Variants in NSRP1 observed in about 807,000 individuals in gnomAD.
NSRP1 encodes coiled-coil domain containing 55.
In NSRP1, 24 loss-of-function variants were observed where a neutral mutation model predicts 54.7. That is an observed-to-expected ratio of 0.44 (90% CI 0.32 to 0.62). The LOEUF is 0.62. Among genes scored for constraint, NSRP1 ranks in the 20% least tolerant of loss-of-function variants. The pLI is 0.06. For synonymous variants in NSRP1, 210 were observed against 213.8 expected (o/e 0.98, Z 0.15); for missense variants, 596 against 651.2 (o/e 0.92, Z 0.92).
At chr17:30,178,220 A>G (rs1455704519) in intron 4 of NSRP1, 21 bp downstream of exon 4, 1 of 1,586,684 alleles carries the variant, frequency 6.3e-7, no homozygotes. Flanking sequence ...TGAAATAACA[A>G]ACTTTCTTTG....
chr17:30,122,834 TAGA>T (rs1347633180), intron 2 of NSRP1, among the ~76,000 whole-genome samples: 4 of 152,184 alleles, frequency 2.6e-5, no homozygotes, highest in African/African-American at 9.6e-5. Flanking sequence ...TGTAGCCATA[TAGA>T]AGGTGTACAG....
intron 2 of NSRP1, among the ~76,000 whole-genome samples, chr17:30,171,978 T>A (rs1280234992): frequency 7.2e-3 from 472 of 65,232 alleles, no homozygotes; most frequent in African/African-American, 0.023. Context: ...ACACACTCCC[T>A]CTCTCTCTCT....
chr17:30,160,070 G>T (rs187725730), intron 2 of NSRP1, among the ~76,000 whole-genome samples: 2 of 152,204 alleles, frequency 1.3e-5, no homozygotes, highest in East Asian at 3.9e-4. Context: ...TATGGTTTTT[G>T]TCTTTTATTA....
intron 2 of NSRP1, among the ~76,000 whole-genome samples, chr17:30,171,075 C>T (rs1023767291): frequency 7.3e-5 from 11 of 151,144 alleles, no homozygotes; most frequent in Non-Finnish European, 1.5e-4. Flanking sequence ...ATTTTTTTTT[C>T]TTAGCTGTAT....
Position 30,185,194 on chromosome 17 carries a change from T to A in NSRP1, c.1197T>A (p.Asn399Lys). 2 of 1,569,870 alleles carry A rather than the reference T, an allele frequency of 1.3e-6. No homozygotes were observed. The highest frequency in any genetic ancestry group is 8.6e-7 in the Non-Finnish European group (1 of 1,157,938). ...QREQERDRQQNDQNRPSEKGE... is the reference protein window; with the variant it reads ...QREQERDRQQKDQNRPSEKGE... ...AACAAGAAAGAGATAGACAACAAAA[T>A]GATCAGAACCGACCCAGTGAGAAAG... The change falls in exon 7 of 7, where the codon AAT (asparagine) becomes AAA (lysine). Residue 399 changes from asparagine (N) to lysine (K), a missense_variant. Transcript: ENST00000247026.
intron 2 of NSRP1, among the ~76,000 whole-genome samples, chr17:30,131,002 G>C (rs999991055): frequency 6.6e-6 from 1 of 152,126 alleles, no homozygotes; most frequent in Non-Finnish European, 1.5e-5. Context: ...TGGTGGTGGT[G>C]GGGGGTGATA....
chr17:30,143,031 T>G (rs1406959374), intron 2 of NSRP1, among the ~76,000 whole-genome samples: 1 of 152,226 alleles, frequency 6.6e-6, no homozygotes, highest in African/African-American at 2.4e-5. Flanking sequence ...CTTCCAAATT[T>G]ATGAAGTTAA....
At chr17:30,152,268 A>C (rs1274703859) in intron 2 of NSRP1, among the ~76,000 whole-genome samples, 1 of 151,836 alleles carries the variant, frequency 6.6e-6, no homozygotes, top group Non-Finnish European at 1.5e-5. Flanking sequence ...GACTACAGGC[A>C]TGCACCACTG....
At chr17:30,166,178 G>C (rs1282969191) in intron 2 of NSRP1, among the ~76,000 whole-genome samples, 1 of 152,110 alleles carries the variant, frequency 6.6e-6, no homozygotes, top group Non-Finnish European at 1.5e-5. Flanking sequence ...AACATACCTA[G>C]AATAACAAGC....
intron 2 of NSRP1, among the ~76,000 whole-genome samples, chr17:30,172,167 A>G (rs1379580455): frequency 1.3e-5 from 2 of 152,170 alleles, no homozygotes; most frequent in Non-Finnish European, 2.9e-5. Context: ...ATGCAAATTC[A>G]TTTATTTCCT....
intron 2 of NSRP1, among the ~76,000 whole-genome samples, chr17:30,145,397 A>G (rs2071844976): frequency 6.6e-6 from 1 of 152,216 alleles, no homozygotes; most frequent in African/African-American, 2.4e-5. Context: ...ATTCTGGCCA[A>G]CATGGTGAAA....
At chr17:30,162,724 A>T (rs1419195550) in intron 2 of NSRP1, among the ~76,000 whole-genome samples, 1 of 152,158 alleles carries the variant, frequency 6.6e-6, no homozygotes, top group African/African-American at 2.4e-5. Context: ...AAAAAGAAAA[A>T]ATTCAGAACC....
chr17:30,178,571 A>C (rs1905201947), intron 4 of NSRP1, among the ~76,000 whole-genome samples: 1 of 152,062 alleles, frequency 6.6e-6, no homozygotes, highest in African/African-American at 2.4e-5. Flanking sequence ...ATCTGCCTGC[A>C]CCTATCATGA....
At position 30,159,416 on chromosome 17, in the gene NSRP1, A is replaced by G. The variant is rs978719084; in HGVS notation, c.115-13126A>G. Among the ~76,000 whole-genome samples, 5 of 152,010 alleles carry G rather than the reference A, an allele frequency of 3.3e-5. 1 individual carries two copies. The highest frequency in any genetic ancestry group is 3.3e-4 in the Admixed American group (5 of 15,238). On this transcript the variant is annotated intron_variant, in intron 2 of 6. Coordinates refer to ENST00000247026, the MANE Select transcript of NSRP1 (RefSeq NM_032141.4). ...ATATAAGATCATGTCATCTGCAGAG[A>G]GGGACAGTTTGACTTCCTCTTTTCC...
chr17:30,180,978 T>G lies in NSRP1; in HGVS notation c.579T>G (p.Gly193=), dbSNP rs768231816. 6.2e-7 allele frequency: 1 copy of G among 1,613,492 alleles called. No homozygotes were observed. The highest frequency in any genetic ancestry group is 2.2e-5 in the East Asian group (1 of 44,864). Residue 193 remains glycine (G), a synonymous_variant, in exon 6 of 7, where the codon GGT becomes GGG. Coordinates refer to ENST00000247026, the MANE Select transcript of NSRP1 (RefSeq NM_032141.4). ...FYRHLLNQAV[G]EEEVPKCSFR... is the part of the protein sequence containing the mutation. Reference sequence around the variant, plus strand: ...GGCACCTATTAAATCAAGCAGTTGGTGAAGAGGAAGTACCTAAATGCAGCT... The same window carrying G: ...GGCACCTATTAAATCAAGCAGTTGGGGAAGAGGAAGTACCTAAATGCAGCT...
intron 5 of NSRP1, 30 bp downstream of exon 5, chr17:30,179,327 G>C: frequency 6.5e-7 from 1 of 1,541,114 alleles, no homozygotes; most frequent in Non-Finnish European, 8.7e-7. Context: ...AAGGCACAAG[G>C]AAACAGTAGC....
chr17:30,166,302 T>A (rs1904729744), intron 2 of NSRP1, among the ~76,000 whole-genome samples: 1 of 152,208 alleles, frequency 6.6e-6, no homozygotes. Context: ...AGATTAATAA[T>A]CTTTGCAGTT....
chr17:30,179,066 C>T (rs1001333578), intron 4 of NSRP1, 24 bp from the exon 5 acceptor site: 3 of 1,383,258 alleles, frequency 2.2e-6, no homozygotes, highest in Admixed American at 5.6e-5. Flanking sequence ...TTACTCTTTT[C>T]CTAAATCTTT....
chr17:30,122,383 ATATTTTTTTTTTTTTTTTTTTTTTT>A (rs2071611280), intron 2 of NSRP1: 1 of 25,180 alleles, frequency 4.0e-5, no homozygotes, highest in Non-Finnish European at 7.2e-5. Flanking sequence ...ATATATATAT[ATATTTTTTTTTTTTTTTTTTTTTTT>A]TTTTTTTTTT....
Sources: allele counts gnomAD v4.1 joint callset (sites outside exome capture counted in the v4.1 genomes callset), GRCh38; gene constraint gnomAD v4.1.1; transcripts MANE v1.5; gene names NCBI Gene and HGNC (gene_info 2026-07-23, HGNC 2026-07-21).